VWC2: variants seen among roughly 807,000 people sequenced by gnomAD.
VWC2 encodes the protein von Willebrand factor C domain containing 2, also known as brorin.
VWC2 carries 14 observed loss-of-function variants against 29.8 expected under a neutral mutation model. The ratio of observed to expected loss-of-function variants is 0.47; its 90% CI spans 0.31 to 0.74. VWC2 has a LOEUF of 0.74. Among genes scored for constraint, VWC2 ranks in the 30% least tolerant of loss-of-function variants. The probability of loss-of-function intolerance (pLI) is 0.05; values close to 1 mark genes in which losing one functional copy is unlikely to be tolerated. For synonymous variants in VWC2, 213 were observed against 199.0 expected (o/e 1.07, Z -0.59); for missense variants, 457 against 459.8 (o/e 0.99, Z 0.05).
intron 2 of VWC2, among the ~76,000 whole-genome samples, chr7:49,776,698 A>C (rs1280493453): frequency 6.6e-6 from 1 of 152,208 alleles, no homozygotes; most frequent in Admixed American, 6.5e-5. Flanking sequence ...AATGGTTAAA[A>C]ATTGTTTTGT....
intron 3 of VWC2, among the ~76,000 whole-genome samples, chr7:49,894,011 TG>T: frequency 6.6e-6 from 1 of 152,216 alleles, no homozygotes. Context: ...TGTGTCATTC[TG>T]GTGTGACGAA....
At chr7:49,885,505 A>AAGAG (rs1791862786) in intron 3 of VWC2, among the ~76,000 whole-genome samples, 1 of 152,200 alleles carries the variant, frequency 6.6e-6, no homozygotes. Flanking sequence ...AAAAGGTAAA[A>AAGAG]CTCGTTATAT....
intron 3 of VWC2, among the ~76,000 whole-genome samples, chr7:49,872,210 T>A: frequency 6.6e-6 from 1 of 151,990 alleles, no homozygotes; most frequent in East Asian, 1.9e-4. Flanking sequence ...AAGGAGAGAA[T>A]TAGTGACATC....
chr7:49,898,555 C>A (rs1412625873), intron 3 of VWC2, among the ~76,000 whole-genome samples: 1 of 151,812 alleles, frequency 6.6e-6, no homozygotes, highest in East Asian at 1.9e-4. Context: ...GTGATTTTTT[C>A]TTACAACACA....
chr7:49,880,488 T>C (rs534561725), intron 3 of VWC2, among the ~76,000 whole-genome samples: 16 of 152,042 alleles, frequency 1.1e-4, no homozygotes, highest in African/African-American at 3.4e-4. Flanking sequence ...TGGATTCAAA[T>C]TCAGCTTCTT....
chr7:49,807,060 C>T (rs1376229542), intron 3 of VWC2, among the ~76,000 whole-genome samples: 3 of 152,052 alleles, frequency 2.0e-5, no homozygotes, highest in Non-Finnish European at 2.9e-5. Context: ...TCATACAAAT[C>T]AAATACTTTT....
chr7:49,879,349 T>C (rs571726055), intron 3 of VWC2, among the ~76,000 whole-genome samples: 3 of 152,202 alleles, frequency 2.0e-5, no homozygotes, highest in Non-Finnish European at 4.4e-5. Context: ...TAATTTTTAT[T>C]ATTTGCTGGA....
At chr7:49,836,108 G>T (rs1411802463) in intron 3 of VWC2, among the ~76,000 whole-genome samples, 4 of 152,134 alleles carry the variant, frequency 2.6e-5, no homozygotes, top group Non-Finnish European at 5.9e-5. Flanking sequence ...CTGTGTTGCT[G>T]TTCTCAGATT....
chr7:49,858,345 C>T (rs918958919), intron 3 of VWC2, among the ~76,000 whole-genome samples: 5 of 152,026 alleles, frequency 3.3e-5, no homozygotes, highest in Admixed American at 2.6e-4. Context: ...GAAAATGTGG[C>T]ACATATACAC....
chr7:49,877,462 CAAAAAA>C lies in VWC2; in HGVS notation c.827-34557_827-34552del, dbSNP rs1169480763. 4.4e-3 allele frequency among the ~76,000 whole-genome samples: 31 copies of C among 7,052 alleles called. 2 individuals carry two copies. The highest frequency in any genetic ancestry group is 6.4e-3 in the Non-Finnish European group (26 of 4,068). 4.6% of individuals were successfully genotyped at this position (7,052 alleles called of 152,430 possible). A position where few individuals can be genotyped will look rare whatever the true frequency, so the allele number is the denominator to read the frequency against. On this transcript the variant is annotated intron_variant, in intron 3 of 3. Transcript: ENST00000340652. The stretch of plus-strand genomic sequence containing the variant: ...GGGCAACAAGTAAGAAACTCTGTCT[CAAAAAA>C]AAAAAAAAAAAAAATATATATATAT...
chr7:49,788,755 T>G (rs532404324), intron 2 of VWC2, among the ~76,000 whole-genome samples: 2 of 140,578 alleles, frequency 1.4e-5, no homozygotes, highest in Admixed American at 1.4e-4. Context: ...TGGATGTGGG[T>G]GTGGGGGTGT....
At chr7:49,780,821 A>C (rs1413241740) in intron 2 of VWC2, among the ~76,000 whole-genome samples, 1 of 152,218 alleles carries the variant, frequency 6.6e-6, no homozygotes, top group Non-Finnish European at 1.5e-5. Context: ...ATTTGGGACC[A>C]CTGAGTTAAA....
At chr7:49,873,601 G>A (rs999773532) in intron 3 of VWC2, among the ~76,000 whole-genome samples, 12 of 152,054 alleles carry the variant, frequency 7.9e-5, no homozygotes, top group African/African-American at 2.9e-4. Context: ...GGACTTCTTT[G>A]GAAAAAAGTT....
chr7:49,804,328 C>CT (rs1788820777), intron 3 of VWC2, among the ~76,000 whole-genome samples: 1 of 152,044 alleles, frequency 6.6e-6, no homozygotes, highest in African/African-American at 2.4e-5. Flanking sequence ...CTGGCAGAGT[C>CT]TCGGTGTGGC....
intron 3 of VWC2, among the ~76,000 whole-genome samples, chr7:49,831,970 C>T (rs1278431472): frequency 2.0e-5 from 3 of 152,118 alleles, no homozygotes; most frequent in East Asian, 1.9e-4. Flanking sequence ...AGATAGTAGA[C>T]AGATAATATT....
At chr7:49,907,124 G>A (rs1359149536) in intron 3 of VWC2, among the ~76,000 whole-genome samples, 2 of 152,074 alleles carry the variant, frequency 1.3e-5, no homozygotes, top group Non-Finnish European at 2.9e-5. Flanking sequence ...AAAAAGCAAA[G>A]TACACAGCAT....
intron 3 of VWC2, among the ~76,000 whole-genome samples, chr7:49,907,627 G>A (rs1250665631): frequency 6.6e-6 from 1 of 152,130 alleles, no homozygotes; most frequent in Non-Finnish European, 1.5e-5. Flanking sequence ...AGGTGATTGG[G>A]ACACAGCTTG....
chr7:49,802,624 C>G (rs369119971), intron 2 of VWC2, 87 bp from the exon 3 acceptor site: 37 of 1,548,786 alleles, frequency 2.4e-5, no homozygotes, highest in South Asian at 1.3e-4. Flanking sequence ...AGCGACAGAG[C>G]GAGACTCCAT....
At chr7:49,819,242 C>T (rs937246432) in intron 3 of VWC2, among the ~76,000 whole-genome samples, 4 of 152,320 alleles carry the variant, frequency 2.6e-5, no homozygotes, top group African/African-American at 9.6e-5. Flanking sequence ...CCTTCTCGAA[C>T]AAATGGAACT....
Sources: gnomAD v4.1 joint callset for allele counts (sites outside exome capture counted in the v4.1 genomes callset) on GRCh38, gnomAD v4.1.1 for gene constraint, MANE v1.5 for transcripts, NCBI Gene and HGNC (gene_info 2026-07-23, HGNC 2026-07-21) for gene names.